The following MACF1 variants were observed in gnomAD, a reference collection of about 807,000 sequenced individuals.
MACF1 encodes microtubule actin crosslinking factor 1, also known as microtubule-actin cross-linking factor 1.
Under a neutral mutation model 854.8 loss-of-function variants are expected in MACF1, and 193 were observed. That is an observed-to-expected ratio of 0.23 (90% confidence interval 0.20 to 0.25). MACF1 has a LOEUF of 0.25. MACF1 is among the 10% of genes least tolerant of loss of function. MACF1 has a pLI of 1.00. For synonymous variants in MACF1, 3,185 were observed against 3,226.7 expected, an observed-to-expected ratio of 0.99 and a Z score of 0.44; for missense variants, 7,722 against 8,929.1, an observed-to-expected ratio of 0.86 and a Z score of 5.45.
At chr1:39,424,533 T>C (rs936152494) in intron 61 of MACF1, among the ~76,000 whole-genome samples, 1 of 152,222 alleles carries the variant, frequency 6.6e-6, no homozygotes, top group Non-Finnish European at 1.5e-5. Flanking sequence ...CCCCCTCTTA[T>C]ATTTATAAAT....
chr1:39,437,589 G>C, intron 70 of MACF1, 188 bp from the exon 71 acceptor site: 1 of 585,466 alleles, frequency 1.7e-6, no homozygotes. Context: ...TGGGATTACA[G>C]GTGTGAGCCA....
intron 6 of MACF1, chr1:39,268,510 T>G (rs1645262465): frequency 8.7e-7 from 1 of 1,155,148 alleles, no homozygotes; most frequent in Admixed American, 4.1e-5. Context: ...GTAAGATGGC[T>G]GTCTGAATCG....
chr1:39,181,486 C>T (rs1379030117), intron 2 of MACF1, among the ~76,000 whole-genome samples: 2 of 152,110 alleles, frequency 1.3e-5, no homozygotes, highest in Non-Finnish European at 2.9e-5. Flanking sequence ...TCTTCTCCTC[C>T]TCCTCCTCTT....
chr1:39,333,038 T>C lies in MACF1; in HGVS notation c.6450T>C (p.Val2150=), dbSNP rs1646754009. The change falls in exon 37 of 101, where the codon GTT becomes GTC. Residue 2150 remains valine (V), a synonymous_variant. Transcript: ENST00000564288. The stretch of plus-strand genomic sequence containing the variant: ...TGCCGTTGGTGGTTGACAAAGATGT[T>C]TTTTCTGTTGAAACACCAAAGAAAG... ...EGVPLVVDKD[V]FSVETPKKEH... 1 of 1,614,028 alleles carries C rather than the reference T, an allele frequency of 6.2e-7. No homozygotes were observed. Among genetic ancestry groups the C allele is most frequent in the East Asian group, 2.2e-5 (1 of 44,876 alleles).
chr1:39,097,208 C>G (rs1641960056), intron 2 of MACF1, among the ~76,000 whole-genome samples: 1 of 152,068 alleles, frequency 6.6e-6, no homozygotes, highest in Admixed American at 6.6e-5. Flanking sequence ...CCCAGATGTT[C>G]AGGCTCCAGG....
chr1:39,432,030 C>T (rs950425809), intron 66 of MACF1, among the ~76,000 whole-genome samples: 2 of 152,176 alleles, frequency 1.3e-5, no homozygotes, highest in African/African-American at 4.8e-5. Context: ...CTAACAGTCA[C>T]GTAGAACATG....
intron 6 of MACF1, among the ~76,000 whole-genome samples, chr1:39,278,840 C>T (rs975836616): frequency 6.6e-6 from 1 of 152,166 alleles, no homozygotes; most frequent in African/African-American, 2.4e-5. Context: ...CTTCTCTCCC[C>T]ACTACCGCCC....
intron 97 of MACF1, among the ~76,000 whole-genome samples, chr1:39,475,091 C>G (rs1644853282): frequency 6.6e-6 from 1 of 152,034 alleles, no homozygotes; most frequent in South Asian, 2.1e-4. Context: ...TCCTAGTCCC[C>G]AAGATGTGGT....
At chr1:39,174,009 G>A (rs1490189300) in intron 2 of MACF1, among the ~76,000 whole-genome samples, 1 of 152,058 alleles carries the variant, frequency 6.6e-6, no homozygotes, top group Non-Finnish European at 1.5e-5. Flanking sequence ...GGGAAGGAAT[G>A]ATAGCTAAAT....
intron 2 of MACF1, among the ~76,000 whole-genome samples, chr1:39,239,246 A>C (rs750834910): frequency 1.3e-5 from 2 of 152,010 alleles, no homozygotes; most frequent in Non-Finnish European, 2.9e-5. Context: ...GTGCCACCGC[A>C]CTCCAGCGTG....
At chr1:39,380,207 C>T (rs918689535) in intron 54 of MACF1, 37 bp from the exon 55 acceptor site, 2 of 1,603,568 alleles carry the variant, frequency 1.2e-6, no homozygotes, top group Non-Finnish European at 1.7e-6. Flanking sequence ...GTTTCCTGTC[C>T]AGAATCTCAT....
At chr1:39,313,251 T>C (rs971048290) in intron 26 of MACF1, among the ~76,000 whole-genome samples, 10 of 152,240 alleles carry the variant, frequency 6.6e-5, no homozygotes, top group African/African-American at 2.4e-4. Flanking sequence ...AGGATACATA[T>C]GACATTACTG....
chr1:39,147,193 C>T (rs1005018383), intron 2 of MACF1, among the ~76,000 whole-genome samples: 7 of 149,568 alleles, frequency 4.7e-5, no homozygotes, highest in South Asian at 4.3e-4. Flanking sequence ...TCTCCTTTCT[C>T]GTCTCTCCTC....
At chr1:39,133,080 AC>A (rs1643051257) in intron 2 of MACF1, among the ~76,000 whole-genome samples, 1 of 152,024 alleles carries the variant, frequency 6.6e-6, no homozygotes, top group African/African-American at 2.4e-5. Flanking sequence ...AAGTGACACC[AC>A]CCTTGGAATG....
At chr1:39,190,615 A>G (rs993705924) in intron 2 of MACF1, among the ~76,000 whole-genome samples, 2 of 151,766 alleles carry the variant, frequency 1.3e-5, no homozygotes, top group African/African-American at 4.8e-5. Flanking sequence ...CTGCGATTAC[A>G]GACGTGAGCC....
At chr1:39,185,740 A>G (rs1644160476) in intron 2 of MACF1, among the ~76,000 whole-genome samples, 1 of 152,214 alleles carries the variant, frequency 6.6e-6, no homozygotes, top group African/African-American at 2.4e-5. Flanking sequence ...GAAATGAGTC[A>G]GATAACTTAC....
chr1:39,442,488 A>C lies in MACF1; in HGVS notation c.19025A>C (p.His6342Pro), dbSNP rs778155432. 6.2e-7 allele frequency: 1 copy of C among 1,614,114 alleles called. No individual in the cohort carries two copies. The highest frequency in any genetic ancestry group is 1.3e-5 in the African/African-American group (1 of 74,946). Reference protein sequence around the residue: ...ALEELMSWLTHTEELLDAQRP... With the variant: ...ALEELMSWLTPTEELLDAQRP... ...GAGGAACTAATGAGTTGGCTGACTC[A>C]TACCGAAGAGTTGTTAGATGCTCAG... is the stretch of plus-strand genomic sequence containing the variant. Residue 6342 changes from histidine (H) to proline (P), a missense_variant, in exon 77 of 101, where the codon CAT (histidine) becomes CCT (proline). Coordinates refer to ENST00000564288, the MANE Select transcript of MACF1 (RefSeq NM_001394062.1).
At position 39,317,290 on chromosome 1, in the gene MACF1, T is replaced by C. The variant is rs1646430937; in HGVS notation, c.3665T>C (p.Val1222Ala). Residue 1222 changes from valine (V) to alanine (A), a missense_variant, in exon 29 of 101, where the codon GTG becomes GCG. Physicochemically the swap from Val to Ala is moderately conservative, Grantham distance 64. Transcript: ENST00000564288. ...GAGGAAATTGCCAAGGCCAAGGTAG[T>C]GGCAGAGCAGATGAGTCGTCTGACA... ...LDEEIAKAKVVAEQMSRLTPE... is the reference protein window; with the variant it reads ...LDEEIAKAKVAAEQMSRLTPE... 11 of 1,614,100 alleles carry C rather than the reference T, an allele frequency of 6.8e-6. No individual in the cohort carries two copies. The highest frequency in any genetic ancestry group is 9.3e-6 in the Non-Finnish European group (11 of 1,180,010).
At chr1:39,174,786 A>C (rs1323397736) in intron 2 of MACF1, among the ~76,000 whole-genome samples, 1 of 152,234 alleles carries the variant, frequency 6.6e-6, no homozygotes, top group Non-Finnish European at 1.5e-5. Flanking sequence ...CCAAATTTAC[A>C]GTAGTAAGAG....
Sources: gnomAD v4.1 joint callset for allele counts (sites outside exome capture counted in the v4.1 genomes callset) on GRCh38, gnomAD v4.1.1 for gene constraint, MANE v1.5 for transcripts, NCBI Gene and HGNC (gene_info 2026-07-23, HGNC 2026-07-21) for gene names.